Variants in TMEM273 observed in about 807,000 individuals in gnomAD.
TMEM273 encodes the protein transmembrane protein 273.
A neutral mutation model predicts 17.9 loss-of-function variants in TMEM273; 19 were observed. That is an observed-to-expected ratio of 1.06 (90% CI 0.74 to 1.55). The LOEUF (loss-of-function observed/expected upper bound fraction) is 1.55, where lower values mean the gene tolerates loss of function less well. TMEM273 is among the 40% of genes most tolerant of loss of function. The pLI, the probability that TMEM273 is intolerant of heterozygous loss-of-function variation, is 0.00. For synonymous variants in TMEM273, 66 were observed against 62.0 expected, an observed-to-expected ratio of 1.07 and a Z score of -0.31; for missense variants, 194 against 155.6, an observed-to-expected ratio of 1.25 and a Z score of -1.31.
At chr10:49,163,306 T>TGAGA (rs3080161) in intron 5 of TMEM273, among the ~76,000 whole-genome samples, 41 of 147,850 alleles carry the variant, frequency 2.8e-4, no homozygotes, top group African/African-American at 6.0e-4. Flanking sequence ...TGTGTGTGTG[T>TGAGA]GAGAGAGAGA....
chr10:49,165,553 G>A (rs1318568491), intron 4 of TMEM273, among the ~76,000 whole-genome samples: 1 of 152,234 alleles, frequency 6.6e-6, no homozygotes, highest in Admixed American at 6.5e-5. Context: ...TACTCCCTTT[G>A]ACGGCTGTAG....
intron 6 of TMEM273, among the ~76,000 whole-genome samples, chr10:49,156,601 G>C (rs560106206): frequency 6.6e-6 from 1 of 152,316 alleles, no homozygotes; most frequent in South Asian, 2.1e-4. Flanking sequence ...TGCTTACATT[G>C]AATGATGCAA....
intron 1 of TMEM273, among the ~76,000 whole-genome samples, 193 bp from the exon 2 acceptor site, chr10:49,168,155 C>T (rs1027891238): frequency 2.0e-5 from 3 of 152,142 alleles, no homozygotes; most frequent in African/African-American, 4.8e-5. Context: ...ACCAGGAACG[C>T]GTCTCCACCC....
intron 2 of TMEM273, among the ~76,000 whole-genome samples, chr10:49,167,628 T>C (rs1052768605): frequency 2.6e-5 from 4 of 152,202 alleles, no homozygotes; most frequent in Non-Finnish European, 5.9e-5. Flanking sequence ...CAAAGCATGC[T>C]GTCAGGGCCC....
In TMEM273 at chr10:49,176,507, G is replaced by A. The variant is rs111755781; in HGVS notation, c.44-8545C>T. ...GAGCAGGGGAGGCTGGAAGCCGTGC[G>A]GAATAACTAATTAATGATGGTAAAG... On this transcript the variant is annotated intron_variant, in intron 1 of 6. Transcript: ENST00000374153. Among the ~76,000 whole-genome samples, 529 of 152,336 alleles carry A rather than the reference G, an allele frequency of 3.5e-3. 4 individuals carry two copies. The highest frequency in any genetic ancestry group is 5.0e-3 in the Admixed American group (77 of 15,300).
chr10:49,171,190 A>G (rs1487102172), intron 1 of TMEM273, among the ~76,000 whole-genome samples: 3 of 152,248 alleles, frequency 2.0e-5, no homozygotes, highest in African/African-American at 7.2e-5. Flanking sequence ...TCTAACCTGT[A>G]GATTTGCTGA....
intron 1 of TMEM273, among the ~76,000 whole-genome samples, chr10:49,171,262 C>T (rs1846549296): frequency 6.6e-6 from 1 of 152,248 alleles, no homozygotes; most frequent in African/African-American, 2.4e-5. Flanking sequence ...CTACCACCGA[C>T]TGCATAAGTC....
At chr10:49,158,980 T>G (rs1490089652) in intron 6 of TMEM273, among the ~76,000 whole-genome samples, 1 of 152,192 alleles carries the variant, frequency 6.6e-6, no homozygotes, top group Non-Finnish European at 1.5e-5. Context: ...GTGTTTTTAA[T>G]TAAATATATT....
In TMEM273 at chr10:49,165,767, T is replaced by G. The variant is rs781064904; in HGVS notation, c.268A>C (p.Arg90=). The G allele has an allele frequency of 1.2e-6, 2 of 1,614,188 alleles. No homozygotes were observed. Among genetic ancestry groups the G allele is most frequent in the East Asian group, 4.5e-5 (2 of 44,874 alleles). Residue 90 remains arginine (R), a splice_region_variant and synonymous_variant, in exon 4 of 7, where the codon AGA becomes CGA. Coordinates refer to ENST00000374153, the MANE Select transcript of TMEM273 (RefSeq NM_001288740.3). ...TGACTGTGTGGGCAGTGACCTTACC[T>G]TGGGGCTCTCTTCTTTAGCGGGATG... The part of the protein sequence containing the change: ...DTIPLKKRAP[R]KLQASTLFSF...
chr10:49,177,178 C>G (rs1034950072), intron 1 of TMEM273, among the ~76,000 whole-genome samples: 2 of 152,226 alleles, frequency 1.3e-5, no homozygotes, highest in Middle Eastern at 3.2e-3. Flanking sequence ...TTACCCAAGC[C>G]CTGGCTTTTC....
Position 49,181,820 on chromosome 10 carries a change from CG to C in TMEM273, c.43+6473del, listed in dbSNP as rs1847358339. Among the ~76,000 whole-genome samples the C allele has an allele frequency of 4.5e-5, 6 of 133,272 alleles. No individual in the cohort carries two copies. The South Asian group carries it at 1.4e-3, about 31-fold the overall frequency. The allele number at this position is 133,272 out of a possible 152,430, so 87.4% of individuals were successfully genotyped here. A position where few individuals can be genotyped will look rare whatever the true frequency, so the allele number is the denominator to read the frequency against. On this transcript the variant is annotated intron_variant, in intron 1 of 6. Coordinates refer to ENST00000374153, the MANE Select transcript of TMEM273 (RefSeq NM_001288740.3). ...GACATGCTATCAAAAGCACAGTCCA[CG>C]AAAAAAAAGATTAATAAGTTAGGCA...
chr10:49,182,517 A>G (rs993933640), intron 1 of TMEM273, among the ~76,000 whole-genome samples: 15 of 152,212 alleles, frequency 9.9e-5, no homozygotes, highest in African/African-American at 3.6e-4. Flanking sequence ...TATTATCATG[A>G]TTATAATAAT....
At chr10:49,160,328 C>T (rs913167742) in intron 6 of TMEM273, 2 of 152,128 alleles carry the variant, frequency 1.3e-5, no homozygotes, top group Admixed American at 1.3e-4. Flanking sequence ...ACAAAAGATA[C>T]ACAACATCAC....
intron 1 of TMEM273, among the ~76,000 whole-genome samples, chr10:49,181,006 T>C (rs560365500): frequency 5.9e-5 from 9 of 152,318 alleles, no homozygotes; most frequent in African/African-American, 1.9e-4. Flanking sequence ...ACAGTCAACA[T>C]AGAAAATCTC....
At chr10:49,177,520 G>C (rs1286389938) in intron 1 of TMEM273, among the ~76,000 whole-genome samples, 3 of 152,324 alleles carry the variant, frequency 2.0e-5, no homozygotes, top group East Asian at 1.9e-4. Flanking sequence ...CAGGACAAGG[G>C]CCTCTCTTGG....
In TMEM273 at chr10:49,159,066, G is replaced by A. The variant is rs573549009; in HGVS notation, c.372+2533C>T. On this transcript the variant is annotated intron_variant, in intron 6 of 6. Coordinates refer to ENST00000374153, the MANE Select transcript of TMEM273 (RefSeq NM_001288740.3). ...ACTTCAAAGCAGTAGGTAGGAACAC[G>A]GTAGAGTGGACAGTTACAAGAGAAA... Among the ~76,000 whole-genome samples, 25 of 152,236 alleles carry A rather than the reference G, an allele frequency of 1.6e-4. No individual in the cohort carries two copies. In the East Asian group the frequency reaches 3.3e-3, roughly 20 times the overall value.
chr10:49,159,610 T>G (rs1845715386), intron 6 of TMEM273, among the ~76,000 whole-genome samples: 1 of 152,178 alleles, frequency 6.6e-6, no homozygotes, highest in African/African-American at 2.4e-5. Flanking sequence ...TGAAAGGGCC[T>G]AGAAGCAATG....
intron 5 of TMEM273, among the ~76,000 whole-genome samples, chr10:49,164,877 C>G (rs1485351754): frequency 6.6e-6 from 1 of 152,060 alleles, no homozygotes; most frequent in Non-Finnish European, 1.5e-5. Flanking sequence ...CTGGGACCTG[C>G]CTGTCTCCCC....
In TMEM273 at chr10:49,171,054, G is replaced by A. The variant is rs117153332; in HGVS notation, c.44-3092C>T. Among the ~76,000 whole-genome samples the A allele has an allele frequency of 7.2e-5, 11 of 152,362 alleles. No individual in the cohort carries two copies. In the East Asian group the frequency reaches 2.1e-3, roughly 29 times the overall value. On this transcript the variant is annotated intron_variant, in intron 1 of 6. Transcript: ENST00000374153. ...CCCAGGAGGAAGCCCACGAGGACCA[G>A]CAGGAACTGCACTGCATTTTCTCTG...
Sources: allele counts gnomAD v4.1 joint callset (sites outside exome capture counted in the v4.1 genomes callset), GRCh38; gene constraint gnomAD v4.1.1; transcripts MANE v1.5; gene names NCBI Gene and HGNC (gene_info 2026-07-23, HGNC 2026-07-21).